Variants in GALNT8 observed in about 807,000 individuals in gnomAD.
The protein encoded by GALNT8 is polypeptide N-acetylgalactosaminyltransferase 8, also known as probable polypeptide N-acetylgalactosaminyltransferase 8.
A neutral mutation model predicts 62.7 loss-of-function variants in GALNT8; 66 were observed. The observed-to-expected ratio is 1.05, with a 90% CI of 0.86 to 1.29. The LOEUF (loss-of-function observed/expected upper bound fraction) is 1.29. GALNT8 is among the 50% of genes most tolerant of loss of function. The pLI is 0.00. For synonymous variants in GALNT8, 288 were observed against 294.3 expected (o/e 0.98, Z 0.22); for missense variants, 771 against 791.8 (o/e 0.97, Z 0.32).
At chr12:4,759,847 C>T (rs201185512) in intron 6 of GALNT8, among the ~76,000 whole-genome samples, 4 of 152,096 alleles carry the variant, frequency 2.6e-5, no homozygotes, top group East Asian at 1.9e-4. Context: ...GGAGACATCA[C>T]GTCGATCCAA....
rs374631380 is a variant in GALNT8 at position 4,753,633 on chromosome 12, A to T, written c.1174-7325A>T. The stretch of plus-strand genomic sequence containing the variant: ...TCAAAACAGCTATTTTGAATTTTCC[A>T]TCTGAAAGGTCCCTTGTCTCTGTTT... On this transcript the variant is annotated intron_variant, in intron 6 of 10. Transcript: ENST00000252318. 7.2e-5 allele frequency among the ~76,000 whole-genome samples: 11 copies of T among 152,266 alleles called. 1 individual carries two copies. The highest frequency in any genetic ancestry group is 2.6e-4 in the African/African-American group (11 of 41,554).
rs1946264690 is a variant in GALNT8 at position 4,740,007 on chromosome 12, T to TTCA, written c.676+678_676+679insTCA. On this transcript the variant is annotated intron_variant, in intron 3 of 10. Coordinates refer to ENST00000252318, the MANE Select transcript of GALNT8 (RefSeq NM_017417.2). ...ATGCACCATGAAGAAGCCTGGGGGC[T>TTCA]GAAGCAGAGTCTAGAGAAGGACTCC... 2.0e-5 allele frequency among the ~76,000 whole-genome samples: 3 copies of TTCA among 152,094 alleles called. No homozygotes were observed. In the South Asian group the frequency reaches 6.2e-4, roughly 32 times the overall value.
chr12:4,758,776 C>CTTTT (rs10612506), intron 6 of GALNT8, among the ~76,000 whole-genome samples: 2 of 146,992 alleles, frequency 1.4e-5, no homozygotes, highest in African/African-American at 2.5e-5. Context: ...AAACGGCAAT[C>CTTTT]TTTTTTTTTT....
rs1392132830 is a variant in GALNT8, at chr12:4,726,919, G to C, written c.509+90G>C. ...AGTGAACATTGAAGGCTGGGGGAGT[G>C]GGGGATTGTTGGGGAAGGGGTTCAG... On this transcript the variant is annotated intron_variant, in intron 2 of 10. Coordinates refer to ENST00000252318, the MANE Select transcript of GALNT8 (RefSeq NM_017417.2). This position sits in a 1 kb window ranked among gnomAD's most constrained non-coding sequence, Gnocchi z 4.1. 2 of 1,147,600 alleles carry C rather than the reference G, an allele frequency of 1.7e-6. No individual in the cohort carries two copies. Among genetic ancestry groups the C allele is most frequent in the East Asian group, 4.7e-5 (2 of 42,394 alleles). The allele number at this position is 1,147,600 out of a possible 1,614,324, so 71.1% of individuals were successfully genotyped here. A position where few individuals can be genotyped will look rare whatever the true frequency, so the allele number is the denominator to read the frequency against.
chr12:4,763,840 C>T (rs1355871977), intron 8 of GALNT8, 112 bp from the exon 9 acceptor site: 1 of 696,850 alleles, frequency 1.4e-6, no homozygotes, highest in African/African-American at 1.7e-5. Flanking sequence ...CTCCTTGTGG[C>T]TGGTCGTTCC....
chr12:4,757,613 C>G (rs1371546692), intron 6 of GALNT8, among the ~76,000 whole-genome samples: 1 of 152,154 alleles, frequency 6.6e-6, no homozygotes, highest in Middle Eastern at 3.2e-3. Context: ...TTTAAGAGCA[C>G]TACCTGAAAG....
chr12:4,762,249 G>A (rs1946376601), intron 7 of GALNT8, among the ~76,000 whole-genome samples: 1 of 152,094 alleles, frequency 6.6e-6, no homozygotes. Flanking sequence ...TATTGTGACT[G>A]TCCCAAGCTG....
intron 1 of GALNT8, among the ~76,000 whole-genome samples, chr12:4,724,847 C>T (rs1324192253): frequency 1.3e-5 from 2 of 152,176 alleles, no homozygotes; most frequent in Non-Finnish European, 2.9e-5. Flanking sequence ...CACAGGACTC[C>T]CCTGCTTCCC....
intron 1 of GALNT8, among the ~76,000 whole-genome samples, chr12:4,722,211 G>A (rs1007529477): frequency 6.6e-6 from 1 of 152,194 alleles, no homozygotes; most frequent in African/African-American, 2.4e-5. Flanking sequence ...CCTATGTGTG[G>A]TAGGGGCTGT....
intron 6 of GALNT8, among the ~76,000 whole-genome samples, chr12:4,760,751 T>C (rs528698702): frequency 1.6e-4 from 25 of 152,266 alleles, no homozygotes; most frequent in African/African-American, 5.8e-4. Flanking sequence ...CAGGAGTTGT[T>C]TGAATGACAG....
chr12:4,730,355 T>A (rs1479680917), intron 2 of GALNT8, among the ~76,000 whole-genome samples: 1 of 152,206 alleles, frequency 6.6e-6, no homozygotes, highest in African/African-American at 2.4e-5. Flanking sequence ...GGTTTTATAT[T>A]TAAGTCTTTA....
intron 10 of GALNT8, among the ~76,000 whole-genome samples, chr12:4,769,493 A>T (rs1259609966): frequency 1.3e-5 from 2 of 152,192 alleles, no homozygotes; most frequent in East Asian, 3.8e-4. Flanking sequence ...CACAAGGAAA[A>T]ATTAAATGTC....
chr12:4,724,058 A>C (rs1366110179), intron 1 of GALNT8, among the ~76,000 whole-genome samples: 1 of 145,998 alleles, frequency 6.8e-6, no homozygotes, highest in Non-Finnish European at 1.5e-5. Context: ...CTGAGGCAGG[A>C]GAATGGCGTG....
At chr12:4,750,829 G>A (rs1266769115) in intron 6 of GALNT8, among the ~76,000 whole-genome samples, 2 of 152,046 alleles carry the variant, frequency 1.3e-5, no homozygotes, top group Admixed American at 1.3e-4. Context: ...AACCTTGCCA[G>A]CATCTGTTAT....
chr12:4,745,428 G>A lies in GALNT8; in HGVS notation c.861-1G>A, dbSNP rs1322882882. 8 of 1,598,570 alleles carry A rather than the reference G, an allele frequency of 5.0e-6. No homozygotes were observed. The highest frequency in any genetic ancestry group is 6.9e-6 in the Non-Finnish European group (8 of 1,165,912). On this transcript the variant is annotated splice_acceptor_variant, in intron 4 of 10. Transcript: ENST00000252318. LOFTEE classifies it high-confidence loss of function. Reference sequence around the variant, plus strand: ...GGGCTTTCTGCACACTCTTGTTCTAGGGCAGAGCCAATCTTGGCTCGGATT... The same window carrying A: ...GGGCTTTCTGCACACTCTTGTTCTAAGGCAGAGCCAATCTTGGCTCGGATT...
chr12:4,756,575 TC>T (rs11377507), intron 6 of GALNT8, among the ~76,000 whole-genome samples: 16 of 151,930 alleles, frequency 1.1e-4, no homozygotes, highest in African/African-American at 3.9e-4. Flanking sequence ...TGACCTTTTT[TC>T]CCCCTCCAAG....
In GALNT8 at chr12:4,765,551, G is replaced by GT; in HGVS notation, c.1761+7dup. 4 of 1,596,434 alleles carry GT rather than the reference G, an allele frequency of 2.5e-6. No homozygotes were observed. Among genetic ancestry groups the GT allele is most frequent in the Non-Finnish European group, 3.4e-6 (4 of 1,170,374 alleles). ...ATATATTGGGATTTTAAACCGGTGA[G>GT]TTATGTGTTTTTGTTTGTTGGTTTG... On this transcript the variant is annotated splice_donor_region_variant and intron_variant, in intron 10 of 10. Coordinates refer to ENST00000252318, the MANE Select transcript of GALNT8 (RefSeq NM_017417.2).
At chr12:4,768,802 G>A (rs186940499) in intron 10 of GALNT8, among the ~76,000 whole-genome samples, 1 of 152,164 alleles carries the variant, frequency 6.6e-6, no homozygotes. Context: ...TATGAAAAAT[G>A]ATACTTGATT....
At chr12:4,743,195 A>G (rs1388848849) in intron 3 of GALNT8, among the ~76,000 whole-genome samples, 4 of 152,168 alleles carry the variant, frequency 2.6e-5, no homozygotes, top group Non-Finnish European at 5.9e-5. Context: ...TCCAATGGGA[A>G]GTGACACAGG....
Sources: gnomAD v4.1 joint callset for allele counts (sites outside exome capture counted in the v4.1 genomes callset) on GRCh38, gnomAD v4.1.1 for gene constraint, Gnocchi (gnomAD v3.1) non-coding constraint, MANE v1.5 for transcripts, NCBI Gene and HGNC (gene_info 2026-07-23, HGNC 2026-07-21) for gene names.